PRKG1: variants seen among roughly 807,000 people sequenced by gnomAD.
PRKG1 encodes cGMP-dependent protein kinase 1.
Under a neutral mutation model 88.1 loss-of-function variants are expected in PRKG1, and 35 were observed. The ratio of observed to expected loss-of-function variants is 0.40; its 90% confidence interval spans 0.30 to 0.53. PRKG1 has a LOEUF of 0.53. PRKG1 is among the 20% of genes least tolerant of loss of function. The pLI is 0.59. For missense variants in PRKG1, 540 were observed against 839.8 expected, an observed-to-expected ratio of 0.64 and a Z score of 4.41; for synonymous variants, 303 against 292.5, an observed-to-expected ratio of 1.04 and a Z score of -0.37.
intron 1 of PRKG1, among the ~76,000 whole-genome samples, chr10:51,136,266 G>A (rs1845683595): frequency 6.6e-6 from 1 of 151,998 alleles, no homozygotes; most frequent in Non-Finnish European, 1.5e-5. Flanking sequence ...AAGTCCTGGA[G>A]GAGAAGCAGA....
At chr10:51,005,181 G>A (rs1842928742) in intron 1 of PRKG1, among the ~76,000 whole-genome samples, 1 of 152,056 alleles carries the variant, frequency 6.6e-6, no homozygotes, top group African/African-American at 2.4e-5. Context: ...GAGCCAAAAG[G>A]TAAAATCATT....
At chr10:51,559,240 C>T (rs1028528373) in intron 3 of PRKG1, among the ~76,000 whole-genome samples, 1 of 152,012 alleles carries the variant, frequency 6.6e-6, no homozygotes, top group African/African-American at 2.4e-5. Flanking sequence ...TGTATTACTT[C>T]ATCAGGGAAA....
At chr10:52,034,061 C>T (rs1845540858) in intron 5 of PRKG1, among the ~76,000 whole-genome samples, 1 of 151,778 alleles carries the variant, frequency 6.6e-6, no homozygotes, top group Non-Finnish European at 1.5e-5. Flanking sequence ...GCCATTTACA[C>T]TTCTTTTGTG....
chr10:52,090,060 G>A lies in PRKG1; in HGVS notation c.935+27429G>A, dbSNP rs138085948. ...GATCTCTTGACCTCGTGATCCACCT[G>A]CCTTGCCCTCTCAAAGTGTTGGGAT... On this transcript the variant is annotated intron_variant, in intron 7 of 17. Transcript: ENST00000373980. 9.9e-3 allele frequency among the ~76,000 whole-genome samples: 1,499 copies of A among 152,030 alleles called. 11 individuals carry two copies. Among genetic ancestry groups the A allele is most frequent in the Middle Eastern group, 0.017 (5 of 292 alleles).
intron 9 of PRKG1, among the ~76,000 whole-genome samples, chr10:52,243,029 C>T (rs1037039933): frequency 1.3e-5 from 2 of 152,104 alleles, no homozygotes; most frequent in African/African-American, 4.8e-5. Context: ...ACATTTAAAG[C>T]TGACAATGGG....
chr10:52,076,330 G>A (rs570758274), intron 7 of PRKG1, among the ~76,000 whole-genome samples: 57 of 152,258 alleles, frequency 3.7e-4, no homozygotes, highest in South Asian at 6.2e-4. Flanking sequence ...GCCGAGGCAG[G>A]CCAATCACTG....
intron 7 of PRKG1, among the ~76,000 whole-genome samples, chr10:52,105,435 G>GC (rs1847392960): frequency 6.6e-6 from 1 of 152,098 alleles, no homozygotes; most frequent in Non-Finnish European, 1.5e-5. Context: ...ACCCTGAAGG[G>GC]CCACGTAGAA....
chr10:51,708,817 A>G (rs1261216429), intron 3 of PRKG1, among the ~76,000 whole-genome samples: 1 of 151,998 alleles, frequency 6.6e-6, no homozygotes, highest in African/African-American at 2.4e-5. Flanking sequence ...CCAGTTGTTA[A>G]CCTCCTTTAC....
intron 1 of PRKG1, among the ~76,000 whole-genome samples, chr10:51,058,393 A>C (rs1589126962): frequency 6.6e-6 from 1 of 152,200 alleles, no homozygotes; most frequent in East Asian, 1.9e-4. Flanking sequence ...TTAAATTTTT[A>C]GGTTTTAGCC....
chr10:51,126,991 C>T (rs1845442795), intron 1 of PRKG1, among the ~76,000 whole-genome samples: 1 of 152,092 alleles, frequency 6.6e-6, no homozygotes, highest in African/African-American at 2.4e-5. Context: ...AAATGTAAAA[C>T]CAAAAACCAT....
intron 3 of PRKG1, among the ~76,000 whole-genome samples, chr10:51,613,132 G>A (rs1838955233): frequency 6.6e-6 from 1 of 151,888 alleles, no homozygotes; most frequent in African/African-American, 2.4e-5. Flanking sequence ...GAATTACACT[G>A]TGAATCCATC....
At chr10:51,254,158 T>G (rs1839496670) in intron 2 of PRKG1, among the ~76,000 whole-genome samples, 1 of 151,920 alleles carries the variant, frequency 6.6e-6, no homozygotes, top group Non-Finnish European at 1.5e-5. Context: ...TTAAAGAAAT[T>G]TTATAGTTGA....
chr10:52,058,829 A>G (rs1303645964), intron 6 of PRKG1, among the ~76,000 whole-genome samples: 1 of 151,990 alleles, frequency 6.6e-6, no homozygotes, highest in Non-Finnish European at 1.5e-5. Context: ...AGAAACTTTT[A>G]TTCTGGAAAA....
chr10:51,740,126 CAA>C (rs1336963812), intron 3 of PRKG1, among the ~76,000 whole-genome samples: 2 of 152,158 alleles, frequency 1.3e-5, no homozygotes, highest in Non-Finnish European at 2.9e-5. Context: ...CTCCTGGGCT[CAA>C]GTGATCCCCC....
At chr10:51,192,709 A>C (rs1394323836) in intron 2 of PRKG1, among the ~76,000 whole-genome samples, 1 of 151,994 alleles carries the variant, frequency 6.6e-6, no homozygotes, top group East Asian at 1.9e-4. Context: ...CTTCTAAATT[A>C]ATGGATTATC....
At chr10:51,628,000 C>T (rs977412466) in intron 3 of PRKG1, among the ~76,000 whole-genome samples, 1,531 of 45,524 alleles carry the variant, frequency 0.034, 125 homozygotes, top group South Asian at 0.051. Context: ...TTCTCTCTCT[C>T]TCTCTCTCTC....
At chr10:51,875,109 G>A (rs1841260603) in intron 4 of PRKG1, among the ~76,000 whole-genome samples, 1 of 152,036 alleles carries the variant, frequency 6.6e-6, no homozygotes, top group African/African-American at 2.4e-5. Flanking sequence ...ACAACATAAA[G>A]TAGTAGTACC....
chr10:52,171,785 A>AT (rs1358641112), intron 9 of PRKG1, among the ~76,000 whole-genome samples: 8 of 122,642 alleles, frequency 6.5e-5, no homozygotes, highest in East Asian at 5.2e-4. Context: ...CTTTTATCAA[A>AT]ATTTTTTTTT....
intron 3 of PRKG1, among the ~76,000 whole-genome samples, chr10:51,542,492 T>C (rs1309139435): frequency 1.3e-5 from 2 of 152,156 alleles, no homozygotes; most frequent in Admixed American, 6.6e-5. Context: ...CCATTACAAG[T>C]AACTGACAAA....
Sources: allele counts gnomAD v4.1 joint callset (sites outside exome capture counted in the v4.1 genomes callset), GRCh38; gene constraint gnomAD v4.1.1; transcripts MANE v1.5; gene names NCBI Gene and HGNC (gene_info 2026-07-23, HGNC 2026-07-21).